Variants in LRMDA observed in about 807,000 individuals in gnomAD.
The protein encoded by LRMDA is leucine rich melanocyte differentiation associated, also known as leucine-rich melanocyte differentiation-associated protein.
Under a neutral mutation model 29.8 loss-of-function variants are expected in LRMDA, and 18 were observed. That is an observed-to-expected ratio of 0.60 (90% CI 0.42 to 0.90). The LOEUF is 0.90. Ranked by LOEUF, LRMDA falls within the 40% of genes least tolerant of loss-of-function variation. The probability of loss-of-function intolerance (pLI) is 0.00; values close to 1 mark genes in which losing one functional copy is unlikely to be tolerated. For missense variants in LRMDA, 273 were observed against 273.9 expected (o/e 1.00, Z 0.02); for synonymous variants, 125 against 109.4 (o/e 1.14, Z -0.89).
intron 6 of LRMDA, among the ~76,000 whole-genome samples, chr10:76,537,076 A>T (rs1843299504): frequency 6.6e-6 from 1 of 152,238 alleles, no homozygotes; most frequent in Non-Finnish European, 1.5e-5. Context: ...TCAAATAATT[A>T]CTATCATCAT....
chr10:75,953,443 T>A (rs1371469422), intron 2 of LRMDA, among the ~76,000 whole-genome samples: 3 of 152,144 alleles, frequency 2.0e-5, no homozygotes, highest in Admixed American at 6.5e-5. Context: ...GCTGAGTGGG[T>A]AATACCAGCT....
chr10:76,513,439 G>A (rs1843027833), intron 6 of LRMDA, among the ~76,000 whole-genome samples: 1 of 152,094 alleles, frequency 6.6e-6, no homozygotes, highest in Non-Finnish European at 1.5e-5. Flanking sequence ...ACGGTTGCTG[G>A]ATACACTTTA....
At chr10:75,730,726 A>G (rs963063843) in intron 2 of LRMDA, among the ~76,000 whole-genome samples, 3 of 152,194 alleles carry the variant, frequency 2.0e-5, no homozygotes, top group Non-Finnish European at 4.4e-5. Flanking sequence ...CTGATGAATT[A>G]TGCACAAGAG....
chr10:75,823,936 C>T (rs947962790), intron 2 of LRMDA, among the ~76,000 whole-genome samples: 3 of 152,020 alleles, frequency 2.0e-5, no homozygotes, highest in African/African-American at 7.3e-5. Context: ...GAGAGCTAAG[C>T]AATGGGTACA....
chr10:75,813,707 T>A (rs1396237471), intron 2 of LRMDA, among the ~76,000 whole-genome samples: 1 of 152,244 alleles, frequency 6.6e-6, no homozygotes, highest in Non-Finnish European at 1.5e-5. Context: ...TAGATACAAC[T>A]TTACATGCAG....
At chr10:76,335,857 G>C (rs1046856573) in intron 6 of LRMDA, among the ~76,000 whole-genome samples, 1 of 152,138 alleles carries the variant, frequency 6.6e-6, no homozygotes, top group African/African-American at 2.4e-5. Flanking sequence ...CAGACTTAAG[G>C]TCTATGTTGA....
intron 2 of LRMDA, among the ~76,000 whole-genome samples, chr10:75,919,358 G>A (rs1160118355): frequency 6.6e-6 from 1 of 152,084 alleles, no homozygotes; most frequent in African/African-American, 2.4e-5. Flanking sequence ...TTTTATTCTT[G>A]GCATCATTTG....
At chr10:76,168,418 G>A (rs1304878154) in intron 5 of LRMDA, among the ~76,000 whole-genome samples, 3 of 152,136 alleles carry the variant, frequency 2.0e-5, no homozygotes, top group Non-Finnish European at 2.9e-5. Flanking sequence ...ATGCCCAGGG[G>A]TCCTCATGGC....
In LRMDA at chr10:76,322,181, A is replaced by G. The variant is rs144354218; in HGVS notation, c.517-2220A>G. On this transcript the variant is annotated intron_variant, in intron 5 of 6. Coordinates refer to ENST00000611255, the MANE Select transcript of LRMDA (RefSeq NM_001305581.2). ...GGCAGATACAGTATAAATTTAAGAC[A>G]TTTTCTTGTCCACTTCTTTCCTATG... Among the ~76,000 whole-genome samples, 432 of 152,220 alleles carry G rather than the reference A, an allele frequency of 2.8e-3. 1 individual carries two copies. Among genetic ancestry groups the G allele is most frequent in the African/African-American group, 9.8e-3 (409 of 41,542 alleles).
chr10:75,511,825 A>T (rs537467535), intron 2 of LRMDA, among the ~76,000 whole-genome samples: 1 of 151,986 alleles, frequency 6.6e-6, no homozygotes, highest in Admixed American at 6.6e-5. Flanking sequence ...CACCAGAGAG[A>T]ATTGGGTCTT....
At chr10:75,888,756 TG>T (rs1177713506) in intron 2 of LRMDA, among the ~76,000 whole-genome samples, 1 of 152,200 alleles carries the variant, frequency 6.6e-6, no homozygotes, top group Non-Finnish European at 1.5e-5. Flanking sequence ...AAATAACATC[TG>T]GGCCATCAAC....
At position 75,492,890 on chromosome 10, in the gene LRMDA, C is replaced by A. The variant is rs569041126; in HGVS notation, c.131+54396C>A. Among the ~76,000 whole-genome samples, 5 of 152,268 alleles carry A rather than the reference C, an allele frequency of 3.3e-5. No individual in the cohort carries two copies. In the South Asian group the frequency reaches 1.0e-3, roughly 32 times the overall value. On this transcript the variant is annotated intron_variant, in intron 2 of 6. Transcript: ENST00000611255. ...TGAAGTGCCTTTGGAGTGATGATAT[C>A]ATAATCACTTTAATACATTTAAAAG...
chr10:75,951,768 C>A (rs1846578348), intron 2 of LRMDA, among the ~76,000 whole-genome samples: 1 of 152,178 alleles, frequency 6.6e-6, no homozygotes, highest in African/African-American at 2.4e-5. Flanking sequence ...GATAAATACA[C>A]ATTTGAAAAT....
intron 2 of LRMDA, among the ~76,000 whole-genome samples, chr10:75,527,818 C>A (rs1414284614): frequency 6.7e-6 from 1 of 149,856 alleles, no homozygotes; most frequent in Non-Finnish European, 1.5e-5. Context: ...AGTGCAGTGG[C>A]ACAATTTTGG....
chr10:76,197,720 A>T (rs1424365440), intron 5 of LRMDA, among the ~76,000 whole-genome samples: 1 of 151,860 alleles, frequency 6.6e-6, no homozygotes, highest in Non-Finnish European at 1.5e-5. Flanking sequence ...GGAGTTTGAG[A>T]CCCGCCTGGT....
intron 5 of LRMDA, among the ~76,000 whole-genome samples, chr10:76,283,435 A>G (rs1840231310): frequency 6.6e-6 from 1 of 152,194 alleles, no homozygotes; most frequent in Admixed American, 6.5e-5. Context: ...CAAGTGCTTG[A>G]GGGACAGATC....
At chr10:76,382,738 T>C (rs569178666) in intron 6 of LRMDA, among the ~76,000 whole-genome samples, 31 of 152,292 alleles carry the variant, frequency 2.0e-4, no homozygotes, top group African/African-American at 7.2e-4. Context: ...AAAGAACAGC[T>C]TTGTCCCCTG....
At chr10:76,058,230 G>C (rs1452737403) in intron 4 of LRMDA, among the ~76,000 whole-genome samples, 1 of 152,180 alleles carries the variant, frequency 6.6e-6, no homozygotes, top group Admixed American at 6.5e-5. Flanking sequence ...CAGTCATCCA[G>C]GTCATTATAG....
chr10:75,912,150 A>T (rs1277334905), intron 2 of LRMDA, among the ~76,000 whole-genome samples: 1 of 152,066 alleles, frequency 6.6e-6, no homozygotes, highest in African/African-American at 2.4e-5. Context: ...GCTCAACAAT[A>T]CACCATGCAC....
Sources: allele counts gnomAD v4.1 joint callset (sites outside exome capture counted in the v4.1 genomes callset), GRCh38; gene constraint gnomAD v4.1.1; transcripts MANE v1.5; gene names NCBI Gene and HGNC (gene_info 2026-07-23, HGNC 2026-07-21).